PTPRR: variants seen among roughly 807,000 people sequenced by gnomAD.
PTPRR encodes receptor-type tyrosine-protein phosphatase R.
PTPRR carries 38 observed loss-of-function variants against 77.2 expected under a neutral mutation model. The ratio of observed to expected loss-of-function variants is 0.49; its 90% CI spans 0.38 to 0.65. PTPRR has a LOEUF of 0.65. Ranked by LOEUF, PTPRR falls within the 30% of genes least tolerant of loss-of-function variation. The pLI is 0.00. For missense variants in PTPRR, 744 were observed against 799.2 expected (o/e 0.93, Z 0.83); for synonymous variants, 299 against 283.1 (o/e 1.06, Z -0.57).
At chr12:70,732,334 C>A (rs535849025) in intron 6 of PTPRR, among the ~76,000 whole-genome samples, 19 of 152,268 alleles carry the variant, frequency 1.2e-4, no homozygotes, top group African/African-American at 4.6e-4. Flanking sequence ...TAGGAGCCAA[C>A]GTAACAAGAG....
At chr12:70,905,140 G>A (rs942124522) in intron 1 of PTPRR, among the ~76,000 whole-genome samples, 4 of 151,742 alleles carry the variant, frequency 2.6e-5, no homozygotes, top group African/African-American at 9.7e-5. Context: ...ATTTGAGGAA[G>A]GTATTTATTT....
At position 70,671,891 on chromosome 12, in the gene PTPRR, A is replaced by G; in HGVS notation, c.1498-9286T>C. On this transcript the variant is annotated intron_variant, in intron 10 of 13. Coordinates refer to ENST00000283228, the MANE Select transcript of PTPRR (RefSeq NM_002849.4). ...CCCACAAGCACTAACCCAGCGCAGG[A>G]GGACCAGCCACCGCCGCCAGGCTCT... 5 of 733,994 alleles carry G rather than the reference A, an allele frequency of 6.8e-6. No homozygotes were observed. The South Asian group carries it at 9.0e-5, about 13-fold the overall frequency. The allele number at this position is 733,994 out of a possible 1,614,324, so 45.5% of individuals were successfully genotyped here.
At chr12:70,815,885 T>C (rs964380226) in intron 2 of PTPRR, among the ~76,000 whole-genome samples, 4 of 152,196 alleles carry the variant, frequency 2.6e-5, no homozygotes, top group Admixed American at 1.3e-4. Context: ...TTCCAAGTGC[T>C]ATGGCCTAAA....
chr12:70,916,271 C>T (rs922865458), intron 1 of PTPRR, among the ~76,000 whole-genome samples: 1 of 151,902 alleles, frequency 6.6e-6, no homozygotes, highest in Non-Finnish European at 1.5e-5. Flanking sequence ...AAAAGCAAAA[C>T]AGTATGAAAG....
At chr12:70,731,210 A>T (rs1388159826) in intron 6 of PTPRR, among the ~76,000 whole-genome samples, 1 of 152,190 alleles carries the variant, frequency 6.6e-6, no homozygotes. Context: ...ACTGTGATGG[A>T]AAGTTAAACC....
At chr12:70,881,621 A>G (rs976880920) in intron 2 of PTPRR, among the ~76,000 whole-genome samples, 3 of 152,260 alleles carry the variant, frequency 2.0e-5, no homozygotes, top group African/African-American at 7.2e-5. Flanking sequence ...TGACTTTGCT[A>G]GACTCAAAGG....
At chr12:70,695,162 T>C (rs1888189498) in intron 8 of PTPRR, among the ~76,000 whole-genome samples, 1 of 152,206 alleles carries the variant, frequency 6.6e-6, no homozygotes, top group African/African-American at 2.4e-5. Context: ...ATTCTCAGAA[T>C]TGTATAATGT....
chr12:70,696,771 A>G (rs923916832), intron 8 of PTPRR, among the ~76,000 whole-genome samples: 1 of 152,120 alleles, frequency 6.6e-6, no homozygotes, highest in Admixed American at 6.6e-5. Context: ...GTCATTCTCC[A>G]TATCCCCTAA....
At chr12:70,859,632 T>A (rs5004418) in intron 2 of PTPRR, among the ~76,000 whole-genome samples, 130,642 of 151,560 alleles carry the variant, frequency 0.86, 56,688 homozygotes, top group African/African-American at 0.94. Context: ...GTTTATAGAT[T>A]TGAGAAGCAG....
At position 70,701,267 on chromosome 12, in the gene PTPRR, G is replaced by T. The variant is rs1338627891; in HGVS notation, c.1064C>A (p.Pro355His). The T allele has an allele frequency of 2.5e-6, 4 of 1,613,714 alleles. No individual in the cohort carries two copies. The highest frequency in any genetic ancestry group is 3.4e-6 in the Non-Finnish European group (4 of 1,179,904). ...CCGTGGTGTTGGTATAGACACAAAG[G>T]GTTCAATGTTCCCCAAGCTACTCAT... The part of the protein sequence containing the change: ...LDMSSLGNIE[P>H]FVSIPTPREK... The change falls in exon 7 of 14, where the codon CCC (proline) becomes CAC (histidine). Residue 355 changes from proline (P) to histidine (H), a missense_variant. This residue lies in a region of PTPRR where 570 missense variants were observed against 573.2 expected (regional missense o/e 0.99). Coordinates refer to ENST00000283228, the MANE Select transcript of PTPRR (RefSeq NM_002849.4).
intron 1 of PTPRR, among the ~76,000 whole-genome samples, chr12:70,917,298 T>G (rs1893789109): frequency 1.3e-5 from 2 of 152,212 alleles, no homozygotes; most frequent in South Asian, 2.1e-4. Flanking sequence ...CACCACTAAC[T>G]TAATCAATGG....
intron 12 of PTPRR, among the ~76,000 whole-genome samples, chr12:70,658,814 A>C (rs1056158219): frequency 1.3e-5 from 2 of 150,798 alleles, no homozygotes; most frequent in Non-Finnish European, 2.9e-5. Context: ...AATGTGTCCA[A>C]ATAATTTCAA....
intron 6 of PTPRR, among the ~76,000 whole-genome samples, chr12:70,726,187 T>C (rs1318365872): frequency 6.6e-6 from 1 of 152,002 alleles, no homozygotes; most frequent in African/African-American, 2.4e-5. Flanking sequence ...TTTAGTCAAC[T>C]TAATTCAAGA....
intron 2 of PTPRR, among the ~76,000 whole-genome samples, chr12:70,826,090 T>TAGAGAAGGAGGAATGGAGAGAGGG (rs1892103557): frequency 6.6e-6 from 1 of 151,806 alleles, no homozygotes; most frequent in Non-Finnish European, 1.5e-5. Flanking sequence ...GAGCCTCTGC[T>TAGAGAAGGAGGAATGGAGAGAGGG]AGAGAAGGAG....
chr12:70,789,467 A>G (rs1281478664), intron 2 of PTPRR, among the ~76,000 whole-genome samples: 1 of 152,110 alleles, frequency 6.6e-6, no homozygotes, highest in East Asian at 1.9e-4. Context: ...AAGTGACTCA[A>G]TCAGAGGCAA....
chr12:70,760,871 A>T (rs1157475322), intron 4 of PTPRR, among the ~76,000 whole-genome samples: 1 of 152,204 alleles, frequency 6.6e-6, no homozygotes, highest in African/African-American at 2.4e-5. Flanking sequence ...AGGAAATTAA[A>T]TCCATTCAGG....
At chr12:70,677,766 T>C (rs745307583) in intron 10 of PTPRR, among the ~76,000 whole-genome samples, 6 of 152,230 alleles carry the variant, frequency 3.9e-5, no homozygotes, top group Non-Finnish European at 7.3e-5. Context: ...CCCTTGATCA[T>C]AGCGGATGAT....
intron 8 of PTPRR, among the ~76,000 whole-genome samples, chr12:70,696,691 G>T (rs1274794980): frequency 6.6e-6 from 1 of 151,900 alleles, no homozygotes; most frequent in African/African-American, 2.4e-5. Context: ...TCACAGAGCT[G>T]TGCAACAATC....
At chr12:70,896,428 C>T (rs539195366) in intron 1 of PTPRR, among the ~76,000 whole-genome samples, 7 of 151,248 alleles carry the variant, frequency 4.6e-5, no homozygotes, top group African/African-American at 1.2e-4. Context: ...CCAGAATACA[C>T]AATCTTTTCA....
Sources: gnomAD v4.1 joint callset for allele counts (sites outside exome capture counted in the v4.1 genomes callset) on GRCh38, gnomAD v4.1.1 for gene constraint, gnomAD v4.1.1 regional missense constraint, MANE v1.5 for transcripts, NCBI Gene and HGNC (gene_info 2026-07-23, HGNC 2026-07-21) for gene names.